Variants in JDP2 observed in about 807,000 individuals in gnomAD.
The protein encoded by JDP2 is Jun dimerization protein 2.
Under a neutral mutation model 17.1 loss-of-function variants are expected in JDP2, and 9 were observed. The observed-to-expected ratio is 0.53, with a 90% CI of 0.32 to 0.92. The LOEUF (loss-of-function observed/expected upper bound fraction) is 0.92. Ranked by LOEUF, JDP2 falls within the 40% of genes least tolerant of loss-of-function variation. The pLI, the probability that JDP2 is intolerant of heterozygous loss-of-function variation, is 0.04. For missense variants in JDP2, 179 were observed against 220.0 expected, an observed-to-expected ratio of 0.81 and a Z score of 1.18; for synonymous variants, 107 against 95.6, an observed-to-expected ratio of 1.12 and a Z score of -0.69.
rs1248487218 is a variant in JDP2, at chr14:75,473,147, G to A, written c.*3672G>A. 6.6e-6 allele frequency: 1 copy of A among 152,230 alleles called. No individual in the cohort carries two copies. Among genetic ancestry groups the A allele is most frequent in the South Asian group, 2.1e-4 (1 of 4,824 alleles). 9.4% of individuals were successfully genotyped at this position (152,230 alleles called of 1,614,324 possible). On this transcript the variant is annotated 3_prime_UTR_variant, in exon 4 of 4. Coordinates refer to ENST00000651602, the MANE Select transcript of JDP2 (RefSeq NM_001135048.2). ...GAGGTCAGAAGATTGAGACCACCCT[G>A]GATAACACGGTGAAACCCTGTCTCT...
At chr14:75,434,599 G>A (rs996629149) in intron 1 of JDP2, among the ~76,000 whole-genome samples, 1 of 152,150 alleles carries the variant, frequency 6.6e-6, no homozygotes, top group African/African-American at 2.4e-5. Context: ...CACAGTAGCA[G>A]AAAATGCATT....
rs9348 is a variant in JDP2, at chr14:75,469,763, C to T, written c.*288C>T. 22,943 of 351,462 alleles carry T rather than the reference C, an allele frequency of 0.065. 982 individuals carry two copies. Among genetic ancestry groups the T allele is most frequent in the Middle Eastern group, 0.1 (127 of 1,210 alleles). 21.8% of individuals were successfully genotyped at this position (351,462 alleles called of 1,614,324 possible). Reference sequence around the variant, plus strand: ...CTTGAAGGAGGCAGGACAGAGGCACCGAGGCCAGGGAGACGCCCAACGAGG... The same window carrying T: ...CTTGAAGGAGGCAGGACAGAGGCACTGAGGCCAGGGAGACGCCCAACGAGG... On this transcript the variant is annotated 3_prime_UTR_variant, in exon 4 of 4. Coordinates refer to ENST00000651602, the MANE Select transcript of JDP2 (RefSeq NM_001135048.2).
intron 3 of JDP2, among the ~76,000 whole-genome samples, chr14:75,461,959 TG>T (rs1886366818): frequency 6.6e-6 from 1 of 152,216 alleles, no homozygotes; most frequent in East Asian, 1.9e-4. Context: ...TGGCTAACTT[TG>T]CACAGAGAAA....
rs934194959 is a variant in JDP2, at chr14:75,472,278, C to G, written c.*2803C>G. 2.6e-5 allele frequency: 4 copies of G among 152,220 alleles called. No individual in the cohort carries two copies. Among genetic ancestry groups the G allele is most frequent in the Non-Finnish European group, 5.9e-5 (4 of 68,046 alleles). The allele number at this position is 152,220 out of a possible 1,614,324, so 9.4% of individuals were successfully genotyped here. ...AAACCGAGGCACACAGAAGAGGTAA[C>G]CTGCCCAAGGTCACAGGTGTTAGGT... is the stretch of plus-strand genomic sequence containing the variant. On this transcript the variant is annotated 3_prime_UTR_variant, in exon 4 of 4. Transcript: ENST00000651602.
intron 2 of JDP2, among the ~76,000 whole-genome samples, chr14:75,439,142 C>T (rs989663467): frequency 3.9e-5 from 6 of 152,148 alleles, no homozygotes; most frequent in East Asian, 3.9e-4. Flanking sequence ...GGACTTTCTT[C>T]GTGGAGAAGG....
At chr14:75,458,676 A>C (rs1886220400) in intron 2 of JDP2, among the ~76,000 whole-genome samples, 1 of 152,220 alleles carries the variant, frequency 6.6e-6, no homozygotes, top group African/African-American at 2.4e-5. Context: ...TCCTTGGGGT[A>C]TATACTCAGG....
intron 2 of JDP2, among the ~76,000 whole-genome samples, chr14:75,438,774 C>T (rs1388843450): frequency 1.3e-5 from 2 of 152,250 alleles, no homozygotes; most frequent in African/African-American, 4.8e-5. Context: ...AGGTCCCTTG[C>T]ACCTGCAGCT....
chr14:75,454,259 A>G (rs1886001866), intron 2 of JDP2, among the ~76,000 whole-genome samples: 1 of 152,140 alleles, frequency 6.6e-6, no homozygotes, highest in Non-Finnish European at 1.5e-5. Flanking sequence ...AAAAACTTCT[A>G]ACTCTAAAGG....
chr14:75,467,996 G>C (rs1886641814), intron 3 of JDP2, among the ~76,000 whole-genome samples: 1 of 152,166 alleles, frequency 6.6e-6, no homozygotes, highest in Non-Finnish European at 1.5e-5. Flanking sequence ...CCAGCTGTGG[G>C]AGGAAGACGG....
At chr14:75,441,118 C>CGAGAGAGAGAGAGAGGGA (rs1199686717) in intron 2 of JDP2, among the ~76,000 whole-genome samples, 5 of 150,236 alleles carry the variant, frequency 3.3e-5, no homozygotes, top group East Asian at 3.9e-4. Flanking sequence ...CTCCTAGTTC[C>CGAGAGAGAGAGAGAGGGA]GAGAGAGAGA....
At position 75,438,072 on chromosome 14, in the gene JDP2, A is replaced by T. The variant is rs1483756199; in HGVS notation, c.152A>T (p.His51Leu). 1 of 1,613,808 alleles carries T rather than the reference A, an allele frequency of 6.2e-7. No individual in the cohort carries two copies. ...RNLGAMIAPLHFLEVKLGKRP... is the reference protein window; with the variant it reads ...RNLGAMIAPLLFLEVKLGKRP... ...CTCGGGGCCATGATTGCACCCTTGCACTTCCTGGAGGTGAAACTGGGCAAG... is the reference window on the plus strand; with the variant it reads ...CTCGGGGCCATGATTGCACCCTTGCTCTTCCTGGAGGTGAAACTGGGCAAG... Residue 51 changes from histidine (H) to leucine (L), a missense_variant, in exon 2 of 4, where the codon CAC becomes CTC. Coordinates refer to ENST00000651602, the MANE Select transcript of JDP2 (RefSeq NM_001135048.2).
At chr14:75,466,240 A>G (rs1220957915) in intron 3 of JDP2, among the ~76,000 whole-genome samples, 1 of 152,240 alleles carries the variant, frequency 6.6e-6, no homozygotes, top group Non-Finnish European at 1.5e-5. Context: ...CAAGAGTTTG[A>G]GACCAGCCTG....
intron 2 of JDP2, among the ~76,000 whole-genome samples, chr14:75,448,926 C>G (rs1885728787): frequency 6.6e-6 from 1 of 152,220 alleles, no homozygotes. Flanking sequence ...TACCTTCTCT[C>G]TGCACCTAAA....
At chr14:75,459,097 G>A (rs1886234945) in intron 2 of JDP2, among the ~76,000 whole-genome samples, 1 of 152,226 alleles carries the variant, frequency 6.6e-6, no homozygotes, top group Non-Finnish European at 1.5e-5. Context: ...AAGCCTTGGA[G>A]GGCAGAGGTT....
Position 75,461,496 on chromosome 14 carries a change from A to G in JDP2, c.272A>G (p.Asn91Ser). ...AAAGTCGCAGCAGCCCGATGCCGGA[A>G]CAAGAAGAAGGAGCGCACGGAGTTT... The part of the protein sequence containing the change: ...KNKVAAARCR[N>S]KKKERTEFLQ... Residue 91 changes from asparagine to serine, a missense_variant, in exon 3 of 4, where the codon AAC becomes AGC. Transcript: ENST00000651602. 6.2e-7 allele frequency: 1 copy of G among 1,609,714 alleles called. No individual in the cohort carries two copies. The highest frequency in any genetic ancestry group is 8.5e-7 in the Non-Finnish European group (1 of 1,178,902).
At position 75,430,747 on chromosome 14, in the gene JDP2, G is replaced by T. The variant is rs1333590345; in HGVS notation, c.-24+2495G>T. ...GTATTACCAGCTCTGGAACTTAGGG[G>T]CTGCCAAGCTCCATGTGCCTGTGTA... On this transcript the variant is annotated intron_variant, in intron 1 of 3. Coordinates refer to ENST00000651602, the MANE Select transcript of JDP2 (RefSeq NM_001135048.2). The surrounding 1 kb of genome is among the most constrained non-coding windows in gnomAD (Gnocchi z 4.5). 6.6e-6 allele frequency among the ~76,000 whole-genome samples: 1 copy of T among 152,054 alleles called. No homozygotes were observed. Among genetic ancestry groups the T allele is most frequent in the African/African-American group, 2.4e-5 (1 of 41,390 alleles).
At chr14:75,438,752 G>A (rs1459583770) in intron 2 of JDP2, among the ~76,000 whole-genome samples, 1 of 152,202 alleles carries the variant, frequency 6.6e-6, no homozygotes, top group Non-Finnish European at 1.5e-5. Flanking sequence ...CATTTGCAAG[G>A]AATTCCTCCT....
chr14:75,443,909 A>ATT lies in JDP2; in HGVS notation c.201+5798_201+5799dup, dbSNP rs11409834. Among the ~76,000 whole-genome samples the ATT allele has an allele frequency of 5.4e-3, 808 of 149,984 alleles. 5 individuals are homozygous for ATT. Among genetic ancestry groups the ATT allele is most frequent in the South Asian group, 0.016 (76 of 4,746 alleles). Reference sequence around the variant, plus strand: ...TACCTACCTCTTAGTGTTGTTATGAATTTTTTTTTTTGAGACAGATTCTCA... The same window carrying ATT: ...TACCTACCTCTTAGTGTTGTTATGAATTTTTTTTTTTTTGAGACAGATTCTCA... On this transcript the variant is annotated intron_variant, in intron 2 of 3. Transcript: ENST00000651602.
intron 3 of JDP2, 128 bp downstream of exon 3, chr14:75,461,658 T>G: frequency 1.4e-6 from 1 of 712,704 alleles, no homozygotes; most frequent in Non-Finnish European, 2.4e-6. Context: ...AAAGCAGCCT[T>G]GGCCCCTCTG....
Sources: gnomAD v4.1 joint callset for allele counts (sites outside exome capture counted in the v4.1 genomes callset) on GRCh38, gnomAD v4.1.1 for gene constraint, Gnocchi (gnomAD v3.1) non-coding constraint, MANE v1.5 for transcripts, NCBI Gene and HGNC (gene_info 2026-07-23, HGNC 2026-07-21) for gene names.